Variants in MGAT4C observed in about 807,000 individuals in gnomAD.
The protein encoded by MGAT4C is alpha-1,3-mannosyl-glycoprotein 4-beta-N-acetylglucosaminyltransferase C.
In MGAT4C, 19 loss-of-function variants were observed where a neutral mutation model predicts 40.1. The observed-to-expected ratio is 0.47, with a 90% CI of 0.33 to 0.70. The LOEUF (loss-of-function observed/expected upper bound fraction) is 0.70, where lower values mean the gene tolerates loss of function less well. MGAT4C is among the 30% of genes least tolerant of loss of function. MGAT4C has a pLI of 0.02. For synonymous variants in MGAT4C, 181 were observed against 187.1 expected, an observed-to-expected ratio of 0.97 and a Z score of 0.27; for missense variants, 491 against 563.2, an observed-to-expected ratio of 0.87 and a Z score of 1.30.
intron 2 of MGAT4C, among the ~76,000 whole-genome samples, chr12:86,509,221 T>G (rs1414293898): frequency 1.3e-5 from 2 of 152,320 alleles, no homozygotes; most frequent in Admixed American, 6.5e-5. Context: ...TTAATCCATC[T>G]TGAATTGATT....
rs549008938 is a variant in MGAT4C at position 86,197,444 on chromosome 12, G to T, written c.-57+58795C>A. Among the ~76,000 whole-genome samples, 20 of 152,194 alleles carry T rather than the reference G, an allele frequency of 1.3e-4. No homozygotes were observed. In the South Asian group the frequency reaches 3.9e-3, roughly 30 times the overall value. Reference sequence around the variant, plus strand: ...GATGGGATCTTTGGGAGGCAATTAGGTCACAGGGTGGAGCCCTCATGATTG... The same window carrying T: ...GATGGGATCTTTGGGAGGCAATTAGTTCACAGGGTGGAGCCCTCATGATTG... On this transcript the variant is annotated intron_variant, in intron 1 of 4. Transcript: ENST00000611864.
At chr12:86,645,844 C>T (rs1014658469) in intron 2 of MGAT4C, among the ~76,000 whole-genome samples, 1 of 151,746 alleles carries the variant, frequency 6.6e-6, no homozygotes, top group African/African-American at 2.4e-5. Flanking sequence ...TATTTTTCTA[C>T]TCAATATAGG....
At chr12:86,812,077 T>G (rs1593230175) in intron 1 of MGAT4C, among the ~76,000 whole-genome samples, 1 of 152,252 alleles carries the variant, frequency 6.6e-6, no homozygotes, top group African/African-American at 2.4e-5. Context: ...TTTAAGAGTG[T>G]GTGTTTAATT....
intron 4 of MGAT4C, among the ~76,000 whole-genome samples, chr12:86,264,154 G>A (rs566645544): frequency 6.6e-6 from 1 of 152,160 alleles, no homozygotes; most frequent in Admixed American, 6.5e-5. Flanking sequence ...TCTGTTGATT[G>A]TTTCTTTTGC....
chr12:86,467,501 T>C (rs1289759382), intron 2 of MGAT4C, among the ~76,000 whole-genome samples: 3 of 152,170 alleles, frequency 2.0e-5, no homozygotes, highest in East Asian at 3.8e-4. Flanking sequence ...CCAGAGACTA[T>C]ATTCTAATTA....
intron 2 of MGAT4C, among the ~76,000 whole-genome samples, chr12:86,479,413 G>GGTTTTTTCC (rs1957896924): frequency 6.6e-6 from 1 of 151,964 alleles, no homozygotes; most frequent in East Asian, 1.9e-4. Flanking sequence ...AAGTGAGTAG[G>GGTTTTTTCC]GCTGGTAGGT....
chr12:86,102,219 T>C (rs1358294119), intron 1 of MGAT4C, among the ~76,000 whole-genome samples: 1 of 151,938 alleles, frequency 6.6e-6, no homozygotes, highest in Non-Finnish European at 1.5e-5. Flanking sequence ...GATGTAGAAA[T>C]GGAATGAACA....
intron 2 of MGAT4C, among the ~76,000 whole-genome samples, chr12:86,641,589 A>C (rs1963390092): frequency 6.6e-6 from 1 of 151,906 alleles, no homozygotes; most frequent in African/African-American, 2.4e-5. Context: ...CCTGATAAGA[A>C]TGAATGTGGA....
At chr12:86,114,531 A>G (rs1592977670) in intron 1 of MGAT4C, among the ~76,000 whole-genome samples, 1 of 151,906 alleles carries the variant, frequency 6.6e-6, no homozygotes, top group Non-Finnish European at 1.5e-5. Context: ...TTTCAAAATG[A>G]AAAGCAATAA....
intron 2 of MGAT4C, among the ~76,000 whole-genome samples, chr12:86,014,284 C>T (rs936747536): frequency 1.3e-5 from 2 of 152,152 alleles, no homozygotes; most frequent in African/African-American, 4.8e-5. Flanking sequence ...AATTTTGAAG[C>T]ATCAACCCCT....
At chr12:86,180,301 GGCCCTCATGGA>G (rs1194305265) in intron 1 of MGAT4C, among the ~76,000 whole-genome samples, 1 of 152,228 alleles carries the variant, frequency 6.6e-6, no homozygotes, top group Non-Finnish European at 1.5e-5. Context: ...GCAGTGGTGG[GGCCCTCATGGA>G]GAACCTCTGC....
At chr12:86,077,511 A>G (rs921278777) in intron 1 of MGAT4C, among the ~76,000 whole-genome samples, 1 of 152,204 alleles carries the variant, frequency 6.6e-6, no homozygotes, top group Non-Finnish European at 1.5e-5. Flanking sequence ...ACTCATGACA[A>G]TTACAGTCCT....
At chr12:86,715,583 CA>C (rs1357484436) in intron 2 of MGAT4C, among the ~76,000 whole-genome samples, 1 of 152,038 alleles carries the variant, frequency 6.6e-6, no homozygotes, top group Non-Finnish European at 1.5e-5. Context: ...AATCACAGAA[CA>C]AAAAAATTTA....
chr12:86,536,758 G>A (rs1315427229), intron 2 of MGAT4C, among the ~76,000 whole-genome samples: 1 of 152,066 alleles, frequency 6.6e-6, no homozygotes, highest in Non-Finnish European at 1.5e-5. Context: ...GTTCTTTCTT[G>A]AGAATAAAAT....
At chr12:86,357,375 T>A (rs1364869364) in intron 3 of MGAT4C, among the ~76,000 whole-genome samples, 1 of 152,106 alleles carries the variant, frequency 6.6e-6, no homozygotes, top group Non-Finnish European at 1.5e-5. Flanking sequence ...GGGGAGAAAC[T>A]AGAGCAGAAA....
chr12:86,540,140 T>C (rs574410969), intron 2 of MGAT4C, among the ~76,000 whole-genome samples: 149 of 152,248 alleles, frequency 9.8e-4, no homozygotes, highest in African/African-American at 3.3e-3. Flanking sequence ...TCTTCTAGGG[T>C]TTTTATGGTT....
chr12:86,048,061 A>T (rs868322199), intron 2 of MGAT4C, among the ~76,000 whole-genome samples: 3 of 152,158 alleles, frequency 2.0e-5, no homozygotes, highest in Middle Eastern at 3.2e-3. Context: ...AACAAGAAAA[A>T]AAAAGATGAC....
At chr12:86,495,043 G>A (rs1330249199) in intron 2 of MGAT4C, among the ~76,000 whole-genome samples, 2 of 152,174 alleles carry the variant, frequency 1.3e-5, no homozygotes, top group African/African-American at 4.8e-5. Flanking sequence ...CACATCTTAT[G>A]ATCTAGCAAT....
chr12:86,294,130 TA>T lies in MGAT4C; in HGVS notation c.-57+39934del, dbSNP rs5799776. ...CACTTTAGAAATTAAAAAACAATAT[TA>T]AAAAAAAAACCACCTATGCAGTTCA... On this transcript the variant is annotated intron_variant, in intron 4 of 7. Transcript: ENST00000548651. Among the ~76,000 whole-genome samples, 1,187 of 149,426 alleles carry T rather than the reference TA, an allele frequency of 7.9e-3. 22 individuals are homozygous for T. Among genetic ancestry groups the T allele is most frequent in the African/African-American group, 0.028 (1,132 of 40,730 alleles).
Sources: allele counts gnomAD v4.1 joint callset (sites outside exome capture counted in the v4.1 genomes callset), GRCh38; gene constraint gnomAD v4.1.1; transcripts MANE v1.5; gene names NCBI Gene and HGNC (gene_info 2026-07-23, HGNC 2026-07-21).